SNX8: variants seen among roughly 807,000 people sequenced by gnomAD.
The protein encoded by SNX8 is sorting nexin-8.
SNX8 carries 25 observed loss-of-function variants against 51.6 expected under a neutral mutation model. That is an observed-to-expected ratio of 0.48 (90% CI 0.35 to 0.68). The LOEUF is 0.68. SNX8 is among the 30% of genes least tolerant of loss of function. The probability of loss-of-function intolerance (pLI) is 0.00; values close to 1 mark genes in which losing one functional copy is unlikely to be tolerated. For synonymous variants in SNX8, 324 were observed against 277.0 expected (o/e 1.17, Z -1.68); for missense variants, 695 against 624.0 (o/e 1.11, Z -1.21).
In SNX8 at chr7:2,319,705, C is replaced by T. The variant is rs947234003; in HGVS notation, c.-66+34517G>A. 1.6e-4 allele frequency among the ~76,000 whole-genome samples: 25 copies of T among 152,160 alleles called. 1 individual carries two copies. Among genetic ancestry groups the T allele is most frequent in the African/African-American group, 6.0e-4 (25 of 41,512 alleles). On this transcript the variant is annotated intron_variant, in intron 1 of 5. Transcript: ENST00000435336. ...TGGCGGGCGCCTGTAGTCCCAGCTC[C>T]TCGGGAGGCTAAGGCAGGAGAATGG...
intron 1 of SNX8, among the ~76,000 whole-genome samples, chr7:2,311,916 G>GCACTCTGCAC (rs1796666208): frequency 6.6e-6 from 1 of 151,348 alleles, no homozygotes; most frequent in African/African-American, 2.4e-5. Context: ...CAGCCTGGGC[G>GCACTCTGCAC]ACAGAGCGAG....
chr7:2,263,538 G>A (rs1013937621), intron 6 of SNX8, among the ~76,000 whole-genome samples, 176 bp from the exon 7 acceptor site: 1 of 152,160 alleles, frequency 6.6e-6, no homozygotes, highest in Non-Finnish European at 1.5e-5. Flanking sequence ...AGAAAGGGTG[G>A]CCCTGGGGCT....
At chr7:2,283,987 G>A (rs1235786201) in intron 1 of SNX8, among the ~76,000 whole-genome samples, 1 of 152,146 alleles carries the variant, frequency 6.6e-6, no homozygotes, top group African/African-American at 2.4e-5. Flanking sequence ...GAGACATGGG[G>A]TTTCACCATG....
chr7:2,299,874 C>A (rs1172685545), intron 1 of SNX8, among the ~76,000 whole-genome samples: 1 of 152,006 alleles, frequency 6.6e-6, no homozygotes, highest in Non-Finnish European at 1.5e-5. Context: ...AAGAAAATTC[C>A]AAGCAGTCAG....
intron 1 of SNX8, among the ~76,000 whole-genome samples, chr7:2,346,073 C>T (rs562412581): frequency 6.6e-6 from 1 of 152,272 alleles, no homozygotes; most frequent in South Asian, 2.1e-4. Context: ...TCCCAAAGTG[C>T]TGGGATTACA....
At chr7:2,280,684 C>T (rs1426960475) in intron 1 of SNX8, among the ~76,000 whole-genome samples, 2 of 152,110 alleles carry the variant, frequency 1.3e-5, no homozygotes, top group East Asian at 3.8e-4. Flanking sequence ...AAATCAAAGA[C>T]ACTTCTTTAA....
At chr7:2,285,137 G>A (rs550060760) in intron 1 of SNX8, among the ~76,000 whole-genome samples, 6 of 151,688 alleles carry the variant, frequency 4.0e-5, no homozygotes, top group South Asian at 2.1e-4. Context: ...GCGTGAACCC[G>A]GGAGGCAGAA....
chr7:2,315,701 TTCAGTCAC>T (rs1390933203), upstream of SNX8, among the ~76,000 whole-genome samples: 4 of 116,360 alleles, frequency 3.4e-5, 1 homozygote, highest in Non-Finnish European at 8.6e-5. Context: ...TCTGCATTCA[TTCAGTCAC>T]TCACTCACTG....
intron 1 of SNX8, among the ~76,000 whole-genome samples, chr7:2,324,383 C>T (rs1778591334): frequency 6.6e-6 from 1 of 151,270 alleles, no homozygotes; most frequent in South Asian, 2.1e-4. Flanking sequence ...CTCCACCTCC[C>T]AGGTTCAAAC....
intron 1 of SNX8, among the ~76,000 whole-genome samples, chr7:2,326,144 G>A (rs1024221753): frequency 2.0e-5 from 3 of 151,970 alleles, no homozygotes; most frequent in African/African-American, 7.2e-5. Flanking sequence ...GGCTGAGTTG[G>A]GAGGAATTCA....
chr7:2,323,884 C>T, intron 1 of SNX8, among the ~76,000 whole-genome samples: 1 of 152,082 alleles, frequency 6.6e-6, no homozygotes, highest in Non-Finnish European at 1.5e-5. Context: ...CGGCTCACTG[C>T]AACCTCAGGT....
At chr7:2,344,665 T>G (rs1346113708) in intron 1 of SNX8, among the ~76,000 whole-genome samples, 1 of 150,654 alleles carries the variant, frequency 6.6e-6, no homozygotes, top group African/African-American at 2.4e-5. Context: ...ACACCTGTAA[T>G]CCCAGCACTT....
intron 1 of SNX8, among the ~76,000 whole-genome samples, chr7:2,319,591 A>G (rs1201844900): frequency 6.6e-6 from 1 of 151,890 alleles, no homozygotes; most frequent in Non-Finnish European, 1.5e-5. Context: ...TGAGGTGGGC[A>G]GATCACAAGG....
At chr7:2,314,691 G>C (rs1281604004), upstream of SNX8, among the ~76,000 whole-genome samples, 1 of 152,164 alleles carries the variant, frequency 6.6e-6, no homozygotes, top group Non-Finnish European at 1.5e-5. Context: ...TGGACCTCCG[G>C]ACTCGCAGGT....
intron 1 of SNX8, among the ~76,000 whole-genome samples, chr7:2,303,847 A>G (rs546817051): frequency 1.2e-3 from 189 of 151,888 alleles, no homozygotes; most frequent in African/African-American, 4.2e-3. Context: ...GCCTAGGAAA[A>G]CCAGAGACCT....
chr7:2,323,287 G>A lies in SNX8; in HGVS notation c.-66+30935C>T, dbSNP rs1197057801. Among the ~76,000 whole-genome samples the A allele has an allele frequency of 4.4e-5, 6 of 136,146 alleles. No homozygotes were observed. The East Asian group carries it at 1.4e-3, about 32-fold the overall frequency. 89.3% of individuals were successfully genotyped at this position (136,146 alleles called of 152,430 possible). A position where few individuals can be genotyped will look rare whatever the true frequency, so the allele number is the denominator to read the frequency against. On this transcript the variant is annotated intron_variant, in intron 1 of 5. Transcript: ENST00000435336. ...GGAGGTTGCAGTGAGCTGAGATTGT[G>A]CCACTGCCCTCCAGCCAGGGCGACA... is the stretch of plus-strand genomic sequence containing the variant.
At chr7:2,300,090 G>A (rs1300155932) in intron 1 of SNX8, among the ~76,000 whole-genome samples, 1 of 152,174 alleles carries the variant, frequency 6.6e-6, no homozygotes, top group Non-Finnish European at 1.5e-5. Context: ...AATGTCACAG[G>A]AAGAGAAATA....
At chr7:2,345,339 C>T (rs559064415) in intron 1 of SNX8, among the ~76,000 whole-genome samples, 13 of 152,222 alleles carry the variant, frequency 8.5e-5, no homozygotes, top group Admixed American at 3.3e-4. Flanking sequence ...GAGTGCAGCA[C>T]GTCCATTTAA....
chr7:2,326,481 C>T lies in SNX8; in HGVS notation c.-66+27741G>A, dbSNP rs548620003. On this transcript the variant is annotated intron_variant, in intron 1 of 5. Coordinates refer to the SNX8 transcript ENST00000435336. ...GAGATCAAGACCATCCTGGCTAACG[C>T]GGTGAAACCCCGTCTCTACTAAAAA... is the stretch of plus-strand genomic sequence containing the variant. 3.0e-3 allele frequency among the ~76,000 whole-genome samples: 454 copies of T among 151,460 alleles called. 2 individuals are homozygous for T. Among genetic ancestry groups the T allele is most frequent in the Non-Finnish European group, 5.5e-3 (375 of 67,864 alleles).
Sources: gnomAD v4.1 joint callset for allele counts (sites outside exome capture counted in the v4.1 genomes callset) on GRCh38, gnomAD v4.1.1 for gene constraint, MANE v1.5 for transcripts, NCBI Gene and HGNC (gene_info 2026-07-23, HGNC 2026-07-21) for gene names.